The following KCNH5 variants were observed in gnomAD, a reference collection of about 807,000 sequenced individuals.
The protein encoded by KCNH5 is voltage-gated delayed rectifier potassium channel KCNH5.
In KCNH5, 46 loss-of-function variants were observed where a neutral mutation model predicts 96.1. The observed-to-expected ratio is 0.48, with a 90% CI of 0.38 to 0.61. The LOEUF (loss-of-function observed/expected upper bound fraction) is 0.61, where lower values mean the gene tolerates loss of function less well. Among genes scored for constraint, KCNH5 ranks in the 20% least tolerant of loss-of-function variants. KCNH5 has a pLI of 0.00. For synonymous variants in KCNH5, 439 were observed against 449.8 expected (o/e 0.98, Z 0.30); for missense variants, 907 against 1,225.8 (o/e 0.74, Z 3.88).
intron 10 of KCNH5, among the ~76,000 whole-genome samples, chr14:62,718,124 G>T (rs1200740205): frequency 6.6e-6 from 1 of 152,026 alleles, no homozygotes; most frequent in Middle Eastern, 3.2e-3. Context: ...AAAGAGAGAA[G>T]GGAGGCAAGG....
chr14:62,892,940 GA>G (rs1888741118), intron 7 of KCNH5, among the ~76,000 whole-genome samples: 1 of 152,102 alleles, frequency 6.6e-6, no homozygotes, highest in African/African-American at 2.4e-5. Context: ...AGATGTACAA[GA>G]AGATGAATAT....
chr14:62,766,681 G>A (rs914187609), intron 10 of KCNH5, among the ~76,000 whole-genome samples: 2 of 152,114 alleles, frequency 1.3e-5, no homozygotes, highest in Non-Finnish European at 2.9e-5. Context: ...AACAGAAACT[G>A]GGATGGGTGG....
At chr14:62,952,839 A>C (rs892923523) in intron 6 of KCNH5, among the ~76,000 whole-genome samples, 1 of 152,128 alleles carries the variant, frequency 6.6e-6, no homozygotes, top group South Asian at 2.1e-4. Flanking sequence ...TTGCTCCAAA[A>C]GGAGGTGACC....
chr14:62,871,339 G>C (rs901865474), intron 7 of KCNH5, among the ~76,000 whole-genome samples: 2 of 152,144 alleles, frequency 1.3e-5, no homozygotes, highest in African/African-American at 4.8e-5. Context: ...ACCCAATACT[G>C]GGGGTTTAAG....
intron 10 of KCNH5, among the ~76,000 whole-genome samples, chr14:62,710,348 T>C (rs796151860): frequency 6.6e-6 from 1 of 152,242 alleles, no homozygotes; most frequent in South Asian, 2.1e-4. Context: ...TTAAAATATG[T>C]AATAATAATC....
At chr14:62,750,730 G>T (rs1400322476) in intron 10 of KCNH5, among the ~76,000 whole-genome samples, 1 of 152,158 alleles carries the variant, frequency 6.6e-6, no homozygotes, top group Non-Finnish European at 1.5e-5. Flanking sequence ...TACCAGAAAG[G>T]CATACTTAGA....
At chr14:62,870,063 T>C (rs1888221399) in intron 7 of KCNH5, among the ~76,000 whole-genome samples, 1 of 152,220 alleles carries the variant, frequency 6.6e-6, no homozygotes, top group African/African-American at 2.4e-5. Context: ...TTCGAGTGTA[T>C]GCTACAGCCA....
intron 10 of KCNH5, among the ~76,000 whole-genome samples, chr14:62,743,134 A>C (rs540816593): frequency 2.0e-4 from 31 of 152,306 alleles, no homozygotes; most frequent in African/African-American, 7.2e-4. Flanking sequence ...AAGTGCAAAT[A>C]AATGTGTGTG....
intron 1 of KCNH5, among the ~76,000 whole-genome samples, chr14:63,031,894 GAAA>G (rs1891635096): frequency 6.6e-6 from 1 of 151,698 alleles, no homozygotes; most frequent in East Asian, 1.9e-4. Context: ...AAGACGTGTA[GAAA>G]AAAAGGGTGG....
chr14:62,860,434 G>T (rs1005361406), intron 7 of KCNH5, among the ~76,000 whole-genome samples: 5 of 152,184 alleles, frequency 3.3e-5, no homozygotes, highest in African/African-American at 1.2e-4. Context: ...CACAGCTACA[G>T]ATTTTTTTGT....
chr14:62,843,507 G>A (rs1473974358), intron 8 of KCNH5, among the ~76,000 whole-genome samples: 2 of 150,362 alleles, frequency 1.3e-5, no homozygotes, highest in Non-Finnish European at 1.5e-5. Flanking sequence ...CTCCTCCCGG[G>A]TTCAAGCAAT....
chr14:62,891,834 G>A (rs1318574979), intron 7 of KCNH5, among the ~76,000 whole-genome samples: 3 of 152,052 alleles, frequency 2.0e-5, no homozygotes, highest in Admixed American at 2.0e-4. Flanking sequence ...GGATATTATT[G>A]TGATTGTTTA....
At chr14:62,950,686 A>T in intron 6 of KCNH5, 127 bp from the exon 7 acceptor site, 1 of 634,726 alleles carries the variant, frequency 1.6e-6, no homozygotes, top group South Asian at 5.4e-5. Context: ...TATGTATATT[A>T]TAGGTCTGAT....
intron 8 of KCNH5, among the ~76,000 whole-genome samples, chr14:62,810,144 T>G (rs1886843620): frequency 2.0e-5 from 3 of 152,146 alleles, no homozygotes; most frequent in Admixed American, 2.0e-4. Flanking sequence ...TTCCTTAAAC[T>G]AAACACTTAT....
chr14:62,768,212 T>C (rs1266548073), intron 10 of KCNH5, among the ~76,000 whole-genome samples: 1 of 112,342 alleles, frequency 8.9e-6, no homozygotes, highest in Non-Finnish European at 2.0e-5. Context: ...TTTATACAAA[T>C]TATAAAAAAA....
intron 7 of KCNH5, among the ~76,000 whole-genome samples, chr14:62,940,324 A>T (rs1889763537): frequency 6.6e-6 from 1 of 151,162 alleles, no homozygotes; most frequent in Non-Finnish European, 1.5e-5. Context: ...CTGCCCATTT[A>T]CAGAAAAAAA....
chr14:62,781,109 G>A (rs1369360590), intron 9 of KCNH5, among the ~76,000 whole-genome samples: 1 of 152,092 alleles, frequency 6.6e-6, no homozygotes, highest in Non-Finnish European at 1.5e-5. Context: ...GAAATAAAGG[G>A]ACAGAGTACA....
At chr14:62,903,538 C>T (rs988586235) in intron 7 of KCNH5, among the ~76,000 whole-genome samples, 2 of 152,088 alleles carry the variant, frequency 1.3e-5, no homozygotes, top group Non-Finnish European at 2.9e-5. Context: ...GTTTCATAAG[C>T]GTTTGGTCAG....
intron 1 of KCNH5, among the ~76,000 whole-genome samples, chr14:63,036,696 CAAGA>C (rs1196208870): frequency 1.3e-5 from 2 of 151,870 alleles, no homozygotes; most frequent in East Asian, 1.9e-4. Context: ...GATGGAGATG[CAAGA>C]AAGAAAGTTG....
Sources: gnomAD v4.1 joint callset for allele counts (sites outside exome capture counted in the v4.1 genomes callset) on GRCh38, gnomAD v4.1.1 for gene constraint, MANE v1.5 for transcripts, NCBI Gene and HGNC (gene_info 2026-07-23, HGNC 2026-07-21) for gene names.